SHLD1: variants seen among roughly 807,000 people sequenced by gnomAD.
SHLD1 encodes shieldin complex subunit 1.
A neutral mutation model predicts 5.5 loss-of-function variants in SHLD1; 3 were observed. That is an observed-to-expected ratio of 0.54 (90% CI 0.25 to 1.40). SHLD1 has a LOEUF of 1.40. SHLD1 is among the 40% of genes most tolerant of loss of function. The pLI is 0.15. For synonymous variants in SHLD1, 92 were observed against 94.3 expected (o/e 0.98, Z 0.14); for missense variants, 210 against 244.4 (o/e 0.86, Z 0.94).
At chr20:5,833,803 G>A (rs536728861) in intron 2 of SHLD1, among the ~76,000 whole-genome samples, 6,579 of 137,270 alleles carry the variant, frequency 0.048, 210 homozygotes, top group Non-Finnish European at 0.073. Flanking sequence ...GAGAGAGAAA[G>A]AGAGAGGGGG....
intron 2 of SHLD1, among the ~76,000 whole-genome samples, chr20:5,810,706 C>T (rs1209758289): frequency 2.0e-5 from 3 of 150,758 alleles, no homozygotes; most frequent in Non-Finnish European, 4.4e-5. Flanking sequence ...ACCAGACTGG[C>T]CAACGTGGTG....
chr20:5,820,169 C>T (rs2087590429), intron 2 of SHLD1, among the ~76,000 whole-genome samples: 1 of 152,198 alleles, frequency 6.6e-6, no homozygotes, highest in Non-Finnish European at 1.5e-5. Flanking sequence ...CCAGGCTTGT[C>T]TCCTGACCTC....
chr20:5,763,946 T>TAA (rs1233102331), intron 1 of SHLD1, among the ~76,000 whole-genome samples: 114 of 70,172 alleles, frequency 1.6e-3, no homozygotes, highest in Middle Eastern at 9.3e-3. Context: ...CCGTCTTTAC[T>TAA]AAAAAAAAAA....
intron 2 of SHLD1, among the ~76,000 whole-genome samples, chr20:5,859,968 C>G (rs2088138477): frequency 6.6e-6 from 1 of 152,156 alleles, no homozygotes; most frequent in Admixed American, 6.5e-5. Flanking sequence ...AATTTACTTA[C>G]CAAGTACGTG....
intron 2 of SHLD1, among the ~76,000 whole-genome samples, chr20:5,792,562 C>A (rs6085277): frequency 1.3e-5 from 2 of 151,564 alleles, no homozygotes; most frequent in African/African-American, 2.4e-5. Flanking sequence ...TGGGATTACA[C>A]GTGTGTGCCA....
rs565259475 is a variant in SHLD1, at chr20:5,806,765, A to C, written c.178+33722A>C. On this transcript the variant is annotated intron_variant, in intron 2 of 2. Coordinates refer to ENST00000303142, the MANE Select transcript of SHLD1 (RefSeq NM_152504.4). This position sits in a 1 kb window ranked among gnomAD's most constrained non-coding sequence, Gnocchi z 7.6. ...TGCACTGATCAGTTAAGATACCAAC[A>C]TTTCTTATTTACATCCTGTGTTGTT... is the stretch of plus-strand genomic sequence containing the variant. Among the ~76,000 whole-genome samples, 9 of 152,270 alleles carry C rather than the reference A, an allele frequency of 5.9e-5. No homozygotes were observed. In the South Asian group the frequency reaches 1.9e-3, roughly 32 times the overall value.
intron 2 of SHLD1, among the ~76,000 whole-genome samples, chr20:5,787,123 T>C (rs1485272376): frequency 6.6e-6 from 1 of 152,174 alleles, no homozygotes; most frequent in Non-Finnish European, 1.5e-5. Flanking sequence ...CTCCCATCAA[T>C]CAATCTGCCT....
chr20:5,795,259 A>G (rs551948840), intron 2 of SHLD1, among the ~76,000 whole-genome samples: 2 of 151,812 alleles, frequency 1.3e-5, no homozygotes, highest in South Asian at 2.1e-4. Flanking sequence ...AAAACAAAAC[A>G]AAACAAAAAA....
chr20:5,822,463 AAATT>A (rs760135454), intron 2 of SHLD1, among the ~76,000 whole-genome samples: 66 of 152,120 alleles, frequency 4.3e-4, no homozygotes, highest in Non-Finnish European at 7.3e-4. Flanking sequence ...TATCTCAAAA[AAATT>A]AATTAATTAA....
At chr20:5,772,546 A>G (rs1044985795) in intron 1 of SHLD1, among the ~76,000 whole-genome samples, 39 of 152,208 alleles carry the variant, frequency 2.6e-4, no homozygotes, top group African/African-American at 8.4e-4. Context: ...GATCAACTGA[A>G]ACTGCAGAGA....
At chr20:5,795,601 CAA>C (rs56723415) in intron 2 of SHLD1, among the ~76,000 whole-genome samples, 24,821 of 65,544 alleles carry the variant, frequency 0.38, 1,818 homozygotes, top group East Asian at 0.56. Context: ...TCTGGTCTCG[CAA>C]AAAAAAAAAA....
At chr20:5,779,065 T>C (rs1256240973) in intron 2 of SHLD1, among the ~76,000 whole-genome samples, 4 of 151,990 alleles carry the variant, frequency 2.6e-5, no homozygotes, top group Non-Finnish European at 5.9e-5. Flanking sequence ...CAGCCAGGCA[T>C]GGTGGTGGGC....
At chr20:5,791,563 CAAAA>C (rs34606715) in intron 2 of SHLD1, among the ~76,000 whole-genome samples, 10 of 61,014 alleles carry the variant, frequency 1.6e-4, no homozygotes, top group Admixed American at 4.1e-4. Flanking sequence ...GACCCTGTCT[CAAAA>C]AAAAAAAAAA....
intron 2 of SHLD1, among the ~76,000 whole-genome samples, chr20:5,787,170 AG>A (rs2087071229): frequency 6.6e-6 from 1 of 152,234 alleles, no homozygotes; most frequent in Admixed American, 6.5e-5. Context: ...CAGGGGGCCA[AG>A]GGCCTTGGTC....
At chr20:5,821,602 A>G (rs987410811) in intron 2 of SHLD1, among the ~76,000 whole-genome samples, 13 of 151,554 alleles carry the variant, frequency 8.6e-5, no homozygotes, top group African/African-American at 3.2e-4. Flanking sequence ...GAGTAATAAC[A>G]AATTTCTGGA....
chr20:5,860,567 A>C (rs751828805), intron 2 of SHLD1, among the ~76,000 whole-genome samples: 1 of 152,150 alleles, frequency 6.6e-6, no homozygotes, highest in East Asian at 1.9e-4. Context: ...TGTGCTTTAC[A>C]ATGAAAAGAT....
In SHLD1 at chr20:5,805,405, C is replaced by T. The variant is rs1750179166; in HGVS notation, c.178+32362C>T. Reference sequence around the variant, plus strand: ...CTCCAGACCTCAGGTGATCCGCCCACCTCAGCCTCCCGAAGTGCTGAGATT... The same window carrying T: ...CTCCAGACCTCAGGTGATCCGCCCATCTCAGCCTCCCGAAGTGCTGAGATT... On this transcript the variant is annotated intron_variant, in intron 2 of 2. Transcript: ENST00000303142. Among the ~76,000 whole-genome samples, 2 of 152,140 alleles carry T rather than the reference C, an allele frequency of 1.3e-5. 1 individual carries two copies. The highest frequency in any genetic ancestry group is 4.8e-5 in the African/African-American group (2 of 41,426).
chr20:5,828,957 C>T (rs1400069414), intron 2 of SHLD1, among the ~76,000 whole-genome samples: 1 of 152,164 alleles, frequency 6.6e-6, no homozygotes, highest in Admixed American at 6.5e-5. Flanking sequence ...ACTGCAGCCT[C>T]AACATCCCCA....
At chr20:5,814,011 G>A (rs1409657870) in intron 2 of SHLD1, among the ~76,000 whole-genome samples, 1 of 133,244 alleles carries the variant, frequency 7.5e-6, no homozygotes, top group African/African-American at 2.8e-5. Context: ...GGAGTGCAGT[G>A]GCACAGTCTC....
Sources: allele counts gnomAD v4.1 joint callset (sites outside exome capture counted in the v4.1 genomes callset), GRCh38; gene constraint gnomAD v4.1.1; non-coding constraint Gnocchi (gnomAD v3.1); transcripts MANE v1.5; gene names NCBI Gene and HGNC (gene_info 2026-07-23, HGNC 2026-07-21).